FCHO1: variants seen among roughly 807,000 people sequenced by gnomAD.
FCHO1 encodes FCH and mu domain containing endocytic adaptor 1.
FCHO1 carries 45 observed loss-of-function variants against 114.4 expected under a neutral mutation model. The observed-to-expected ratio is 0.39, with a 90% CI of 0.31 to 0.50. The LOEUF is 0.50. Ranked by LOEUF, FCHO1 falls within the 20% of genes least tolerant of loss-of-function variation. FCHO1 has a pLI of 0.77. For synonymous variants in FCHO1, 480 were observed against 488.9 expected, an observed-to-expected ratio of 0.98 and a Z score of 0.24; for missense variants, 1,042 against 1,209.6, an observed-to-expected ratio of 0.86 and a Z score of 2.06.
chr19:17,763,545 T>C (rs1240831199), intron 5 of FCHO1, among the ~76,000 whole-genome samples: 1 of 148,402 alleles, frequency 6.7e-6, no homozygotes, highest in African/African-American at 2.5e-5. Flanking sequence ...ATTACAGATG[T>C]AAGCCACTGC....
chr19:17,786,709 T>A (rs942658562), intron 27 of FCHO1, 80 bp downstream of exon 27: 10 of 1,490,852 alleles, frequency 6.7e-6, no homozygotes, highest in Non-Finnish European at 9.2e-6. Flanking sequence ...TGGGGAAGAA[T>A]TGGGGACATA....
Position 17,781,436 on chromosome 19 carries a change from T to A in FCHO1, c.1741-16T>A. ...CCTGGGGCACTCACAGCCAAGATTG[T>A]CTCTTTCCCTTCCAGTCTCGTTCCC... is the stretch of plus-strand genomic sequence containing the variant. On this transcript the variant is annotated splice_polypyrimidine_tract_variant and intron_variant, in intron 21 of 28. Coordinates refer to ENST00000596536, the MANE Select transcript of FCHO1 (RefSeq NM_015122.3). 3 of 1,613,884 alleles carry A rather than the reference T, an allele frequency of 1.9e-6. No homozygotes were observed. The highest frequency in any genetic ancestry group is 2.5e-6 in the Non-Finnish European group (3 of 1,179,866).
upstream of FCHO1, among the ~76,000 whole-genome samples, chr19:17,749,335 C>T (rs142413366): frequency 7.2e-5 from 11 of 152,112 alleles, no homozygotes; most frequent in African/African-American, 2.7e-4. Flanking sequence ...GTGAAATGGG[C>T]TGAATTCCTC....
At position 17,774,224 on chromosome 19, in the gene FCHO1, CGTCTCCT is replaced by C. The variant is rs1193517150; in HGVS notation, c.791-9_791-3del. ...GTGCCCAGCCCCTCAATTGAGTTTC[CGTCTCCT>C]GTCTCAGGACCTCTGGACTTCGAGG... On this transcript the variant is annotated splice_polypyrimidine_tract_variant and splice_region_variant and intron_variant, in intron 11 of 28. Coordinates refer to ENST00000596536, the MANE Select transcript of FCHO1 (RefSeq NM_015122.3). 14 of 1,613,700 alleles carry C rather than the reference CGTCTCCT, an allele frequency of 8.7e-6. No individual in the cohort carries two copies. Among genetic ancestry groups the C allele is most frequent in the Non-Finnish European group, 1.1e-5 (13 of 1,179,894 alleles).
rs2093697020 is a variant in FCHO1, at chr19:17,784,502, C to CT, written c.2227-221dup. On this transcript the variant is annotated intron_variant, in intron 25 of 28. Transcript: ENST00000596536. The surrounding 1 kb of genome is among the most constrained non-coding windows in gnomAD (Gnocchi z 5.3). ...ACTAGAAGCAGCCCAGCCCCGGAACCTTACACTTGAACTTCCCTGGGAGAC... is the reference window on the plus strand; with the variant it reads ...ACTAGAAGCAGCCCAGCCCCGGAACCTTTACACTTGAACTTCCCTGGGAGAC... Among the ~76,000 whole-genome samples the CT allele has an allele frequency of 6.6e-6, 1 of 152,142 alleles. No individual in the cohort carries two copies. Among genetic ancestry groups the CT allele is most frequent in the Non-Finnish European group, 1.5e-5 (1 of 68,038 alleles).
chr19:17,784,502 CTTACACTTGAACT>C lies in FCHO1; in HGVS notation c.2227-221_2227-209del, dbSNP rs2093697242. Among the ~76,000 whole-genome samples the C allele has an allele frequency of 6.6e-6, 1 of 152,142 alleles. No individual in the cohort carries two copies. Among genetic ancestry groups the C allele is most frequent in the Non-Finnish European group, 1.5e-5 (1 of 68,038 alleles). Reference sequence around the variant, plus strand: ...ACTAGAAGCAGCCCAGCCCCGGAACCTTACACTTGAACTTCCCTGGGAGACTTTGTTAGAATGA... The same window carrying C: ...ACTAGAAGCAGCCCAGCCCCGGAACCTCCCTGGGAGACTTTGTTAGAATGA... On this transcript the variant is annotated intron_variant, in intron 25 of 28. Transcript: ENST00000596536. This position sits in a 1 kb window ranked among gnomAD's most constrained non-coding sequence, Gnocchi z 5.3.
intron 4 of FCHO1, among the ~76,000 whole-genome samples, chr19:17,757,892 G>A (rs2084322100): frequency 1.4e-5 from 2 of 147,954 alleles, no homozygotes; most frequent in African/African-American, 5.0e-5. Flanking sequence ...CTCCAGCCTG[G>A]GCGACAGAGC....
Position 17,788,436 on chromosome 19 carries a change from C to T in FCHO1, c.*130C>T, listed in dbSNP as rs1278424814. ...GGCCCATACTCCACGGAGAGGAGCC[C>T]CATGCCCAGCCTGGCTGAGCCCGAG... On this transcript the variant is annotated 3_prime_UTR_variant, in exon 29 of 29. Transcript: ENST00000596536. 3.0e-6 allele frequency: 2 copies of T among 671,046 alleles called. No individual in the cohort carries two copies. Among genetic ancestry groups the T allele is most frequent in the African/African-American group, 3.7e-5 (2 of 54,592 alleles). 41.6% of individuals were successfully genotyped at this position (671,046 alleles called of 1,614,324 possible).
rs776969744 is a variant in FCHO1 at position 17,774,333 on chromosome 19, A to C, written c.835+50A>C. The C allele has an allele frequency of 2.5e-6, 4 of 1,612,872 alleles. No homozygotes were observed. In the Admixed American group the frequency reaches 6.7e-5, roughly 27 times the overall value. On this transcript the variant is annotated intron_variant, in intron 12 of 28. Transcript: ENST00000596536. ...CCAGGCTGGACCATGGGGGTGAGGG[A>C]GGCTGATCTGAATGTGAAAGGAGGC...
chr19:17,784,735 C>T lies in FCHO1; in HGVS notation c.2237C>T (p.Pro746Leu), dbSNP rs766356099. Reference sequence around the variant, plus strand: ...TCTCATTCTTCCTAGTTCTCCCGCCCGGGTCCCCAGTCTGTGCCTCTGCAG... The same window carrying T: ...TCTCATTCTTCCTAGTTCTCCCGCCTGGGTCCCCAGTCTGTGCCTCTGCAG... ...VVLLRYQFSR[P>L]GPQSVPLQLS... is the part of the protein sequence containing the mutation. The change falls in exon 26 of 29, where the codon CCG (proline) becomes CTG (leucine). Residue 746 changes from proline to leucine, a missense_variant. This residue lies in a region of FCHO1 where 455 missense variants were observed against 455.4 expected (regional missense o/e 1.00). Transcript: ENST00000596536. The surrounding 1 kb of genome is among the most constrained non-coding windows in gnomAD (Gnocchi z 5.3). 1.5e-5 allele frequency: 25 copies of T among 1,613,836 alleles called. No individual in the cohort carries two copies. Among genetic ancestry groups the T allele is most frequent in the Non-Finnish European group, 1.7e-5 (20 of 1,180,012 alleles).
intron 3 of FCHO1, 131 bp from the exon 4 acceptor site, chr19:17,754,987 G>C: frequency 1.4e-6 from 1 of 703,612 alleles, no homozygotes; most frequent in Non-Finnish European, 2.6e-6. Context: ...AGGGGTCCTG[G>C]CATGCTCTTA....
chr19:17,775,612 C>A lies in FCHO1; in HGVS notation c.1003+99C>A. On this transcript the variant is annotated intron_variant, in intron 15 of 28. Transcript: ENST00000596536. The surrounding 1 kb of genome is among the most constrained non-coding windows in gnomAD (Gnocchi z 5.1). ...CTTCAGCAGTCCTCTCTGTGTACAT[C>A]CTGGAGAGAGTCTCCTTTGTGGATG... 1 of 1,143,986 alleles carries A rather than the reference C, an allele frequency of 8.7e-7. No homozygotes were observed. Among genetic ancestry groups the A allele is most frequent in the Non-Finnish European group, 1.3e-6 (1 of 757,016 alleles). 70.9% of individuals were successfully genotyped at this position (1,143,986 alleles called of 1,614,324 possible).
At chr19:17,764,699 A>T (rs2088014123) in intron 6 of FCHO1, among the ~76,000 whole-genome samples, 1 of 152,204 alleles carries the variant, frequency 6.6e-6, no homozygotes, top group South Asian at 2.1e-4. Flanking sequence ...ACCTTCATGC[A>T]ATGTACATCT....
At chr19:17,754,917 T>G (rs1324215714) in intron 3 of FCHO1, 1 of 529,812 alleles carries the variant, frequency 1.9e-6, no homozygotes, top group East Asian at 3.5e-5. Context: ...GGCATCTGTG[T>G]CTTGTTCTGT....
At position 17,770,557 on chromosome 19, in the gene FCHO1, A is replaced by C. The variant is rs1357730335; in HGVS notation, c.469A>C (p.Ser157Arg). 6.2e-7 allele frequency: 1 copy of C among 1,612,568 alleles called. No homozygotes were observed. The highest frequency in any genetic ancestry group is 2.2e-5 in the East Asian group (1 of 44,856). The change falls in exon 8 of 29, where the codon AGC (serine) becomes CGC (arginine). Residue 157 changes from serine (S) to arginine (R), a missense_variant. Ser to Arg is a moderately radical substitution (Grantham distance 110). Transcript: ENST00000596536. Reference protein sequence around the residue: ...DQERLRRESTSQKEMDKAETK... With the variant: ...DQERLRRESTRQKEMDKAETK... ...GGAGCGGCTGCGGAGGGAGAGTACC[A>C]GCCAGAAGGAGATGGACAAGGTGGG...
chr19:17,762,730 C>A, intron 4 of FCHO1, 32 bp from the exon 5 acceptor site: 1 of 1,503,976 alleles, frequency 6.6e-7, no homozygotes. Context: ...TTCTCTCCAT[C>A]CTTTCTCAAT....
At position 17,775,139 on chromosome 19, in the gene FCHO1, T is replaced by G. The variant is rs2147101409; in HGVS notation, c.945+59T>G. On this transcript the variant is annotated intron_variant, in intron 14 of 28. Coordinates refer to ENST00000596536, the MANE Select transcript of FCHO1 (RefSeq NM_015122.3). The surrounding 1 kb of genome is among the most constrained non-coding windows in gnomAD (Gnocchi z 5.1). ...AAGTGGAAGGAGTTTGATCCCACTC[T>G]TGGCTCCTAGAGTCCCGATCCCTAC... The G allele has an allele frequency of 3.8e-6, 6 of 1,560,212 alleles. No homozygotes were observed. The East Asian group carries it at 1.4e-4, about 35-fold the overall frequency.
rs566736073 is a variant in FCHO1 at position 17,763,005 on chromosome 19, A to C, written c.119+152A>C. ...AAAATCCTGGAAATGACCGATTCTC[A>C]ACCCGGTCAGGCCCATATCTCCTTT... On this transcript the variant is annotated intron_variant, in intron 5 of 28. Coordinates refer to ENST00000596536, the MANE Select transcript of FCHO1 (RefSeq NM_015122.3). 38 of 602,664 alleles carry C rather than the reference A, an allele frequency of 6.3e-5. 1 individual carries two copies. The highest frequency in any genetic ancestry group is 4.4e-4 in the Middle Eastern group (1 of 2,252). The allele number at this position is 602,664 out of a possible 1,614,324, so 37.3% of individuals were successfully genotyped here.
Position 17,764,424 on chromosome 19 carries a change from C to G in FCHO1, c.169C>G (p.Leu57Val), listed in dbSNP as rs145154295. The change falls in exon 6 of 29, where the codon CTG becomes GTG. Residue 57 changes from leucine to valine, a missense_variant. Transcript: ENST00000596536. The part of the protein sequence containing the change: ...YSKAMAKLSK[L>V]ASNGTPMGTF... ...GAAGGCGATGGCGAAACTCTCCAAG[C>G]TGGCCAGCAACGGGACCCCCATGGG... is the stretch of plus-strand genomic sequence containing the variant. The G allele has an allele frequency of 2.2e-5, 36 of 1,613,410 alleles. No homozygotes were observed. The African/African-American group carries it at 3.7e-4, about 17-fold the overall frequency.
Sources: allele counts gnomAD v4.1 joint callset (sites outside exome capture counted in the v4.1 genomes callset), GRCh38; gene constraint gnomAD v4.1.1; regional missense constraint gnomAD v4.1.1; non-coding constraint Gnocchi (gnomAD v3.1); transcripts MANE v1.5; gene names NCBI Gene and HGNC (gene_info 2026-07-23, HGNC 2026-07-21).